ADARB2: variants seen among roughly 807,000 people sequenced by gnomAD.
The protein encoded by ADARB2 is adenosine deaminase RNA specific B2 (inactive), also known as inactive double-stranded RNA-specific editase B2.
In ADARB2, 25 loss-of-function variants were observed where a neutral mutation model predicts 62.2. The ratio of observed to expected loss-of-function variants is 0.40; its 90% CI spans 0.29 to 0.56. The LOEUF (loss-of-function observed/expected upper bound fraction) is 0.56, where lower values mean the gene tolerates loss of function less well. Ranked by LOEUF, ADARB2 falls within the 20% of genes least tolerant of loss-of-function variation. The pLI is 0.43. For missense variants in ADARB2, 1,071 were observed against 1,077.4 expected (o/e 0.99, Z 0.08); for synonymous variants, 572 against 500.8 (o/e 1.14, Z -1.90).
chr10:1,191,642 T>C (rs1240568203), intron 8 of ADARB2, among the ~76,000 whole-genome samples: 10 of 152,216 alleles, frequency 6.6e-5, no homozygotes, highest in Non-Finnish European at 1.3e-4. Flanking sequence ...TTTGTAAATA[T>C]ACCATGCAGC....
At chr10:1,529,229 C>T (rs957664570) in intron 1 of ADARB2, among the ~76,000 whole-genome samples, 1 of 140,382 alleles carries the variant, frequency 7.1e-6, no homozygotes, top group Admixed American at 7.3e-5. Flanking sequence ...GCACCATCCC[C>T]AACACAAATC....
chr10:1,340,357 CCGG>C (rs1330585539), intron 3 of ADARB2, among the ~76,000 whole-genome samples: 13 of 74,698 alleles, frequency 1.7e-4, no homozygotes, highest in Non-Finnish European at 3.1e-4. Flanking sequence ...GCGGCAATAA[CCGG>C]CATCCACCAG....
At position 1,526,183 on chromosome 10, in the gene ADARB2, A is replaced by C. The variant is rs149515917; in HGVS notation, c.101-147023T>G. 4.4e-3 allele frequency among the ~76,000 whole-genome samples: 664 copies of C among 152,058 alleles called. 5 individuals are homozygous for C. The highest frequency in any genetic ancestry group is 0.016 in the African/African-American group (647 of 41,482). On this transcript the variant is annotated intron_variant, in intron 1 of 9. Coordinates refer to ENST00000381312, the MANE Select transcript of ADARB2 (RefSeq NM_018702.4). ...GCTGCTCCTGGGATTTGGAAAGGACACAGGTGGGAAGTTGGAGAGATGGCC... is the reference window on the plus strand; with the variant it reads ...GCTGCTCCTGGGATTTGGAAAGGACCCAGGTGGGAAGTTGGAGAGATGGCC...
chr10:1,510,427 C>T (rs1178190486), intron 1 of ADARB2, among the ~76,000 whole-genome samples: 5 of 152,038 alleles, frequency 3.3e-5, no homozygotes, highest in Admixed American at 2.0e-4. Context: ...AGCAATCCTC[C>T]CTCCTCAGCA....
At chr10:1,263,893 C>T (rs1487138555) in intron 4 of ADARB2, among the ~76,000 whole-genome samples, 1 of 152,156 alleles carries the variant, frequency 6.6e-6, no homozygotes, top group African/African-American at 2.4e-5. Context: ...TTTTCTTTTC[C>T]TCTCCATTTT....
At chr10:1,611,324 G>T (rs751664866) in intron 1 of ADARB2, among the ~76,000 whole-genome samples, 6 of 152,150 alleles carry the variant, frequency 3.9e-5, no homozygotes, top group Non-Finnish European at 1.5e-5. Flanking sequence ...GTAATACTCA[G>T]TTCCTCTCTC....
chr10:1,422,217 A>T (rs1832857869), intron 1 of ADARB2, among the ~76,000 whole-genome samples: 1 of 152,258 alleles, frequency 6.6e-6, no homozygotes, highest in Non-Finnish European at 1.5e-5. Context: ...TATGGAATCC[A>T]TGAGGCCACA....
At chr10:1,672,722 C>T (rs1252511880) in intron 1 of ADARB2, among the ~76,000 whole-genome samples, 1 of 151,186 alleles carries the variant, frequency 6.6e-6, no homozygotes, top group Non-Finnish European at 1.5e-5. Context: ...CTGCCTCCTC[C>T]ACGCACCGCA....
chr10:1,332,476 G>GTTTTTTTTTTT (rs759566790), intron 3 of ADARB2, among the ~76,000 whole-genome samples: 3 of 130,372 alleles, frequency 2.3e-5, no homozygotes, highest in Non-Finnish European at 4.7e-5. Context: ...ACTAGCATCA[G>GTTTTTTTTTTT]TTTTGTTTTT....
chr10:1,198,033 C>G (rs1836933990), intron 8 of ADARB2, among the ~76,000 whole-genome samples: 2 of 152,216 alleles, frequency 1.3e-5, no homozygotes, highest in African/African-American at 4.8e-5. Flanking sequence ...GCTATCTGTA[C>G]TCAGGAAATA....
intron 1 of ADARB2, among the ~76,000 whole-genome samples, chr10:1,686,125 T>C (rs1188337395): frequency 6.6e-6 from 1 of 152,222 alleles, no homozygotes; most frequent in African/African-American, 2.4e-5. Flanking sequence ...CACCTGCTTC[T>C]TCAAAAAGTC....
At chr10:1,689,198 C>T (rs569067537) in intron 1 of ADARB2, among the ~76,000 whole-genome samples, 2 of 152,312 alleles carry the variant, frequency 1.3e-5, no homozygotes, top group South Asian at 4.1e-4. Flanking sequence ...GAGGGAAGTA[C>T]TGATAATGCC....
At chr10:1,634,767 A>G (rs1246021183) in intron 1 of ADARB2, among the ~76,000 whole-genome samples, 2 of 152,248 alleles carry the variant, frequency 1.3e-5, no homozygotes, top group Non-Finnish European at 2.9e-5. Flanking sequence ...TCAATTCATT[A>G]CCAGAACAAC....
In ADARB2 at chr10:1,308,480, GT is replaced by G. The variant is rs11365485; in HGVS notation, c.1078-37412del. Among the ~76,000 whole-genome samples, 1,248 of 152,250 alleles carry G rather than the reference GT, an allele frequency of 8.2e-3. 15 individuals carry two copies. The highest frequency in any genetic ancestry group is 0.028 in the African/African-American group (1,158 of 41,544). ...AAACATCCATGTGCCTTTTTTCTGTGTGGACACAAATTTTCAATTCATCTGG... is the reference window on the plus strand; with the variant it reads ...AAACATCCATGTGCCTTTTTTCTGTGGGACACAAATTTTCAATTCATCTGG... On this transcript the variant is annotated intron_variant, in intron 3 of 9. Transcript: ENST00000381312.
intron 1 of ADARB2, among the ~76,000 whole-genome samples, chr10:1,615,465 A>G (rs1287016415): frequency 6.6e-6 from 1 of 152,152 alleles, no homozygotes; most frequent in African/African-American, 2.4e-5. Flanking sequence ...GGTATGGTGG[A>G]TGTGTCAGGG....
intron 3 of ADARB2, among the ~76,000 whole-genome samples, chr10:1,336,362 CTCAGTG>C (rs1831974790): frequency 6.6e-6 from 1 of 152,096 alleles, no homozygotes; most frequent in African/African-American, 2.4e-5. Flanking sequence ...TCTTTGTTTC[CTCAGTG>C]TCTTAAATAC....
chr10:1,368,816 C>T (rs997339840), intron 2 of ADARB2, among the ~76,000 whole-genome samples: 9 of 151,090 alleles, frequency 6.0e-5, no homozygotes, highest in African/African-American at 2.2e-4. Flanking sequence ...ACACTATGAC[C>T]CTGTGACAGT....
chr10:1,207,201 G>T (rs1175206268), intron 7 of ADARB2, among the ~76,000 whole-genome samples: 1 of 152,090 alleles, frequency 6.6e-6, no homozygotes, highest in African/African-American at 2.4e-5. Flanking sequence ...ACAAAAATTA[G>T]CCGGGAATGG....
chr10:1,178,736 CA>C lies in ADARB2; in HGVS notation c.*4456del, dbSNP rs998883699. 3 of 152,184 alleles carry C rather than the reference CA, an allele frequency of 2.0e-5. No homozygotes were observed. Among genetic ancestry groups the C allele is most frequent in the African/African-American group, 7.2e-5 (3 of 41,422 alleles). The allele number at this position is 152,184 out of a possible 1,614,324, so 9.4% of individuals were successfully genotyped here. A position where few individuals can be genotyped will look rare whatever the true frequency, so the allele number is the denominator to read the frequency against. ...TTTCCACCTCCAACCGCGAGCTCTGCAAAAACTGCAGGCGAGGACAGGCTTT... is the reference window on the plus strand; with the variant it reads ...TTTCCACCTCCAACCGCGAGCTCTGCAAAACTGCAGGCGAGGACAGGCTTT... On this transcript the variant is annotated 3_prime_UTR_variant, in exon 10 of 10. Coordinates refer to ENST00000381312, the MANE Select transcript of ADARB2 (RefSeq NM_018702.4).
Sources: gnomAD v4.1 joint callset for allele counts (sites outside exome capture counted in the v4.1 genomes callset) on GRCh38, gnomAD v4.1.1 for gene constraint, MANE v1.5 for transcripts, NCBI Gene and HGNC (gene_info 2026-07-23, HGNC 2026-07-21) for gene names.